KCNH7: variants seen among roughly 807,000 people sequenced by gnomAD.
KCNH7 encodes potassium voltage-gated channel subfamily H member 7, also known as voltage-gated inwardly rectifying potassium channel KCNH7.
Under a neutral mutation model 120.8 loss-of-function variants are expected in KCNH7, and 49 were observed. That is an observed-to-expected ratio of 0.41 (90% CI 0.32 to 0.51). The LOEUF (loss-of-function observed/expected upper bound fraction) is 0.51, where lower values mean the gene tolerates loss of function less well. Ranked by LOEUF, KCNH7 falls within the 20% of genes least tolerant of loss-of-function variation. KCNH7 has a pLI of 0.38. For synonymous variants in KCNH7, 547 were observed against 516.1 expected (o/e 1.06, Z -0.81); for missense variants, 1,097 against 1,446.6 (o/e 0.76, Z 3.92).
At chr2:162,420,532 G>A (rs1364468106) in intron 9 of KCNH7, among the ~76,000 whole-genome samples, 1 of 152,098 alleles carries the variant, frequency 6.6e-6, no homozygotes, top group Admixed American at 6.6e-5. Context: ...TTTAAGTTTT[G>A]AAACATTCTG....
intron 2 of KCNH7, among the ~76,000 whole-genome samples, chr2:162,639,176 A>G (rs1193655227): frequency 6.6e-6 from 1 of 152,122 alleles, no homozygotes; most frequent in Non-Finnish European, 1.5e-5. Context: ...ATACATTCTT[A>G]CAGGAGAATC....
At chr2:162,591,271 A>G (rs950015618) in intron 2 of KCNH7, among the ~76,000 whole-genome samples, 2 of 151,622 alleles carry the variant, frequency 1.3e-5, no homozygotes, top group African/African-American at 4.9e-5. Flanking sequence ...TTTGTGTCTT[A>G]TCACAATAGA....
In KCNH7 at chr2:162,379,902, A is replaced by G. The variant is rs1342356483; in HGVS notation, c.3082T>C (p.Tyr1028His). Residue 1028 changes from tyrosine to histidine, a missense_variant, in exon 14 of 16, where the codon TAC (tyrosine) becomes CAC (histidine). By Grantham distance (83) the Tyr-to-His change is moderately conservative (BLOSUM62 2). Coordinates refer to ENST00000332142, the MANE Select transcript of KCNH7 (RefSeq NM_033272.4). ...TCTAATCTTTGTTCCACTTCCCCGT[A>G]GGTGAGGTCGCTTTCGGTTTCAGAG... ...GISETESDLTYGEVEQRLDLL... is the reference protein window; with the variant it reads ...GISETESDLTHGEVEQRLDLL... 1.2e-6 allele frequency: 2 copies of G among 1,613,880 alleles called. No individual in the cohort carries two copies. Among genetic ancestry groups the G allele is most frequent in the Non-Finnish European group, 1.7e-6 (2 of 1,179,954 alleles).
chr2:162,698,471 C>G (rs1211569754), intron 2 of KCNH7, among the ~76,000 whole-genome samples: 1 of 148,712 alleles, frequency 6.7e-6, no homozygotes, highest in Non-Finnish European at 1.5e-5. Context: ...GAGTTTTTTT[C>G]AGGCTTATTA....
intron 2 of KCNH7, chr2:162,795,277 C>T (rs1312344748): frequency 6.6e-6 from 1 of 151,850 alleles, no homozygotes; most frequent in Admixed American, 6.6e-5. Flanking sequence ...TTGTTGAAGA[C>T]TTTATACTTT....
intron 2 of KCNH7, among the ~76,000 whole-genome samples, chr2:162,813,027 G>A (rs1207916961): frequency 6.6e-6 from 1 of 152,038 alleles, no homozygotes; most frequent in Non-Finnish European, 1.5e-5. Context: ...GAAAGGAGGG[G>A]ACAGGAATCA....
intron 8 of KCNH7, among the ~76,000 whole-genome samples, chr2:162,424,791 CAAGT>C (rs1488412429): frequency 1.3e-5 from 2 of 152,046 alleles, no homozygotes; most frequent in African/African-American, 4.8e-5. Flanking sequence ...ATAGATATCC[CAAGT>C]AAGAGAAAGT....
chr2:162,545,225 T>C lies in KCNH7; in HGVS notation c.308-8145A>G, dbSNP rs184957477. ...CCTTCTCTAGGAGATGCTCAGCTCA[T>C]ATTAGTGTTATAGAGGTTTTGAGAA... On this transcript the variant is annotated intron_variant, in intron 2 of 15. Transcript: ENST00000332142. Among the ~76,000 whole-genome samples, 182 of 152,314 alleles carry C rather than the reference T, an allele frequency of 1.2e-3. 3 individuals carry two copies. Among genetic ancestry groups the C allele is most frequent in the Non-Finnish European group, 2.2e-4 (15 of 68,022 alleles).
intron 3 of KCNH7, 72 bp from the exon 4 acceptor site, chr2:162,518,230 T>C: frequency 9.1e-7 from 1 of 1,101,080 alleles, no homozygotes; most frequent in Non-Finnish European, 1.3e-6. Flanking sequence ...CAAACATTGT[T>C]GACTCATATT....
intron 2 of KCNH7, among the ~76,000 whole-genome samples, chr2:162,810,513 T>C (rs17402278): frequency 0.021 from 3,158 of 152,168 alleles, 55 homozygotes; most frequent in Middle Eastern, 0.092. Flanking sequence ...CTGCATTTGG[T>C]TTGAGTAGAG....
chr2:162,441,526 G>A (rs1341119734), intron 7 of KCNH7, among the ~76,000 whole-genome samples: 1 of 152,018 alleles, frequency 6.6e-6, no homozygotes, highest in Non-Finnish European at 1.5e-5. Flanking sequence ...AAAGGAAAGG[G>A]GTCAATGAAG....
At chr2:162,706,743 T>A (rs1030797307) in intron 2 of KCNH7, among the ~76,000 whole-genome samples, 1 of 152,110 alleles carries the variant, frequency 6.6e-6, no homozygotes, top group Non-Finnish European at 1.5e-5. Context: ...ACCTCTGAAA[T>A]GCAGCTGCCT....
At chr2:162,558,830 G>A (rs1176847749) in intron 2 of KCNH7, among the ~76,000 whole-genome samples, 1 of 151,408 alleles carries the variant, frequency 6.6e-6, no homozygotes, top group Non-Finnish European at 1.5e-5. Context: ...TTGGGAGGCC[G>A]AGGTGGGCTG....
intron 15 of KCNH7, among the ~76,000 whole-genome samples, chr2:162,372,439 GAGGGTATA>G (rs1196166803): frequency 6.6e-6 from 1 of 152,114 alleles, no homozygotes; most frequent in Non-Finnish European, 1.5e-5. Context: ...TGATGAATAA[GAGGGTATA>G]AGGAGGAAAG....
chr2:162,423,138 C>A, intron 9 of KCNH7, 198 bp downstream of exon 9: 2 of 1,124,158 alleles, frequency 1.8e-6, no homozygotes, highest in Non-Finnish European at 2.5e-6. Context: ...AATGCCTTTG[C>A]CACACAGTAT....
intron 2 of KCNH7, among the ~76,000 whole-genome samples, chr2:162,807,451 C>A (rs577893459): frequency 6.6e-6 from 1 of 151,332 alleles, no homozygotes; most frequent in Admixed American, 6.6e-5. Flanking sequence ...AACAAGAAAA[C>A]AACCCAACAA....
chr2:162,729,189 A>G (rs6706187), intron 2 of KCNH7, among the ~76,000 whole-genome samples: 36,899 of 138,572 alleles, frequency 0.27, 7,265 homozygotes, highest in East Asian at 0.54. Context: ...TTTTTGAGAC[A>G]GAGTCTCGCT....
intron 2 of KCNH7, among the ~76,000 whole-genome samples, chr2:162,731,839 T>A (rs1687740919): frequency 6.6e-6 from 1 of 152,120 alleles, no homozygotes; most frequent in Admixed American, 6.5e-5. Flanking sequence ...TAAAGCTGGA[T>A]GGTAGGTATA....
intron 2 of KCNH7, among the ~76,000 whole-genome samples, chr2:162,755,520 T>C (rs1230664622): frequency 6.6e-6 from 1 of 152,102 alleles, no homozygotes; most frequent in Non-Finnish European, 1.5e-5. Flanking sequence ...CAATTTTCTT[T>C]ATTTAATGTA....
Sources: allele counts gnomAD v4.1 joint callset (sites outside exome capture counted in the v4.1 genomes callset), GRCh38; gene constraint gnomAD v4.1.1; transcripts MANE v1.5; gene names NCBI Gene and HGNC (gene_info 2026-07-23, HGNC 2026-07-21).